EPHB1: variants seen among roughly 807,000 people sequenced by gnomAD.
EPHB1 encodes the protein EPH receptor B1, also known as ephrin type-B receptor 1.
EPHB1 carries 30 observed loss-of-function variants against 94.4 expected under a neutral mutation model. The observed-to-expected ratio is 0.32, with a 90% CI of 0.24 to 0.43. EPHB1 has a LOEUF of 0.43. Among genes scored for constraint, EPHB1 ranks in the 20% least tolerant of loss-of-function variants. EPHB1 has a pLI of 1.00. For missense variants in EPHB1, 1,055 were observed against 1,308.3 expected (o/e 0.81, Z 2.99); for synonymous variants, 522 against 489.1 (o/e 1.07, Z -0.89).
chr3:134,954,978 TATGGGGAGAACTTGCGC>T (rs1363639669), intron 3 of EPHB1, among the ~76,000 whole-genome samples: 1 of 148,914 alleles, frequency 6.7e-6, no homozygotes, highest in Non-Finnish European at 1.5e-5. Context: ...TAGAGGAAGC[TATGGGGAGAACTTGCGC>T]ATTAGGATGT....
intron 3 of EPHB1, among the ~76,000 whole-genome samples, chr3:134,963,296 A>G (rs956438704): frequency 2.0e-5 from 3 of 152,216 alleles, no homozygotes; most frequent in South Asian, 2.1e-4. Context: ...CCTGCCACAT[A>G]TAAGTATGGC....
chr3:135,226,286 T>G (rs1943398995), intron 12 of EPHB1, among the ~76,000 whole-genome samples: 1 of 152,208 alleles, frequency 6.6e-6, no homozygotes, highest in African/African-American at 2.4e-5. Context: ...ACTCCTTATG[T>G]CCCTGCCCTA....
At chr3:135,086,311 A>G (rs914916169) in intron 3 of EPHB1, among the ~76,000 whole-genome samples, 4 of 145,810 alleles carry the variant, frequency 2.7e-5, no homozygotes, top group African/African-American at 1.0e-4. Context: ...TGGTAGGCAC[A>G]CCTCAAGAGA....
intron 1 of EPHB1, among the ~76,000 whole-genome samples, chr3:134,840,074 C>A (rs1338632638): frequency 6.6e-6 from 1 of 152,182 alleles, no homozygotes. Context: ...CCACTTGGCA[C>A]CTCCGTTAGT....
At chr3:135,111,925 G>T (rs997080913) in intron 4 of EPHB1, among the ~76,000 whole-genome samples, 3 of 152,170 alleles carry the variant, frequency 2.0e-5, no homozygotes, top group Admixed American at 6.5e-5. Context: ...TGATCTGCCC[G>T]CCTCAGCCTC....
rs143403444 is a variant in EPHB1, at chr3:135,071,121, T to C, written c.806-35327T>C. ...ATCCATCCAGCCAGTCTTCCTTTGC[T>C]GATCTGATTTCACTCTGCTATGGCA... On this transcript the variant is annotated intron_variant, in intron 3 of 15. Transcript: ENST00000398015. Among the ~76,000 whole-genome samples the C allele has an allele frequency of 1.8e-3, 270 of 152,344 alleles. 1 individual carries two copies. The highest frequency in any genetic ancestry group is 6.3e-3 in the African/African-American group (260 of 41,584).
intron 3 of EPHB1, among the ~76,000 whole-genome samples, chr3:134,975,512 C>G (rs1240531222): frequency 6.6e-6 from 1 of 152,134 alleles, no homozygotes; most frequent in Non-Finnish European, 1.5e-5. Context: ...GCATCAGAGA[C>G]AGCCTCCCAG....
intron 3 of EPHB1, among the ~76,000 whole-genome samples, chr3:135,052,860 C>CG (rs1937209269): frequency 8.3e-5 from 1 of 12,096 alleles, no homozygotes; most frequent in Non-Finnish European, 1.2e-4. Flanking sequence ...GACTCCGTCT[C>CG]AAAAAAAAAA....
At chr3:134,959,084 A>AAT (rs1269597878) in intron 3 of EPHB1, among the ~76,000 whole-genome samples, 4 of 152,132 alleles carry the variant, frequency 2.6e-5, no homozygotes, top group African/African-American at 4.8e-5. Context: ...TCCATGACTT[A>AAT]ATATATATGT....
chr3:135,086,339 G>C (rs34729205), intron 3 of EPHB1, among the ~76,000 whole-genome samples: 1 of 151,468 alleles, frequency 6.6e-6, no homozygotes, highest in Middle Eastern at 3.2e-3. Context: ...AAGTGGGGGT[G>C]GGGGAGGGTG....
chr3:134,994,242 A>G (rs1398723882), intron 3 of EPHB1, among the ~76,000 whole-genome samples: 1 of 152,244 alleles, frequency 6.6e-6, no homozygotes, highest in Non-Finnish European at 1.5e-5. Context: ...TGTTGAACAA[A>G]TAAGCGAATG....
chr3:134,900,983 A>T (rs1430910790), intron 1 of EPHB1, among the ~76,000 whole-genome samples: 1 of 152,174 alleles, frequency 6.6e-6, no homozygotes, highest in Non-Finnish European at 1.5e-5. Context: ...TCTGATGAAA[A>T]ATTAGGGGAC....
intron 3 of EPHB1, among the ~76,000 whole-genome samples, chr3:134,957,917 A>G (rs1933343826): frequency 1.3e-5 from 2 of 152,184 alleles, no homozygotes; most frequent in Non-Finnish European, 2.9e-5. Flanking sequence ...CAGGGCCTTT[A>G]CAACTCTAAC....
At chr3:135,059,854 G>T (rs369098517) in intron 3 of EPHB1, among the ~76,000 whole-genome samples, 1 of 152,140 alleles carries the variant, frequency 6.6e-6, no homozygotes, top group African/African-American at 2.4e-5. Flanking sequence ...CCCATGGCCC[G>T]TTTGGGCCTC....
At chr3:135,055,437 T>C (rs1371308301) in intron 3 of EPHB1, among the ~76,000 whole-genome samples, 1 of 152,182 alleles carries the variant, frequency 6.6e-6, no homozygotes, top group Non-Finnish European at 1.5e-5. Context: ...TTAACAGAAC[T>C]CATACCATGA....
At chr3:135,248,754 T>C (rs1943990156) in intron 14 of EPHB1, among the ~76,000 whole-genome samples, 1 of 151,962 alleles carries the variant, frequency 6.6e-6, no homozygotes, top group Non-Finnish European at 1.5e-5. Flanking sequence ...GTTTTGGGGA[T>C]TTGAGAGACA....
chr3:134,964,621 TG>T (rs1417840328), intron 3 of EPHB1, among the ~76,000 whole-genome samples: 3 of 152,240 alleles, frequency 2.0e-5, no homozygotes, highest in Non-Finnish European at 4.4e-5. Context: ...ATTTGGTTTC[TG>T]GGTCTGTCAC....
chr3:135,244,484 T>G (rs1943873350), intron 13 of EPHB1, among the ~76,000 whole-genome samples: 1 of 152,186 alleles, frequency 6.6e-6, no homozygotes, highest in African/African-American at 2.4e-5. Flanking sequence ...AGCCCAGAAT[T>G]CACTTCTGTT....
intron 12 of EPHB1, among the ~76,000 whole-genome samples, chr3:135,231,303 A>G (rs1469785877): frequency 1.3e-5 from 2 of 152,190 alleles, no homozygotes; most frequent in Non-Finnish European, 2.9e-5. Context: ...TTGGGTGTGG[A>G]TAGTAAAAGA....
Sources: gnomAD v4.1 joint callset for allele counts (sites outside exome capture counted in the v4.1 genomes callset) on GRCh38, gnomAD v4.1.1 for gene constraint, MANE v1.5 for transcripts, NCBI Gene and HGNC (gene_info 2026-07-23, HGNC 2026-07-21) for gene names.